SV2B: variants seen among roughly 807,000 people sequenced by gnomAD.
SV2B encodes synaptic vesicle glycoprotein 2B.
A neutral mutation model predicts 73.9 loss-of-function variants in SV2B; 41 were observed. The ratio of observed to expected loss-of-function variants is 0.56; its 90% CI spans 0.43 to 0.72. The LOEUF (loss-of-function observed/expected upper bound fraction) is 0.72. Among genes scored for constraint, SV2B ranks in the 30% least tolerant of loss-of-function variants. The probability of loss-of-function intolerance (pLI) is 0.00; values close to 1 mark genes in which losing one functional copy is unlikely to be tolerated. For missense variants in SV2B, 764 were observed against 857.8 expected (o/e 0.89, Z 1.37); for synonymous variants, 314 against 314.2 (o/e 1.00, Z 0.01).
intron 2 of SV2B, among the ~76,000 whole-genome samples, chr15:91,233,639 C>T (rs950463510): frequency 6.6e-6 from 1 of 152,308 alleles, no homozygotes; most frequent in Middle Eastern, 3.4e-3. Flanking sequence ...ATTGGGAACA[C>T]TGAGCCCCTA....
intron 1 of SV2B, among the ~76,000 whole-genome samples, chr15:91,194,944 C>T (rs768965664): frequency 2.6e-5 from 4 of 151,980 alleles, no homozygotes; most frequent in Admixed American, 1.3e-4. Flanking sequence ...CTCATTTCCT[C>T]GGCCATGATG....
At chr15:91,221,742 C>T (rs1441321000) in intron 1 of SV2B, among the ~76,000 whole-genome samples, 1 of 150,692 alleles carries the variant, frequency 6.6e-6, no homozygotes, top group Non-Finnish European at 1.5e-5. Context: ...TACATGAAAG[C>T]TTCTACCTGG....
intron 1 of SV2B, among the ~76,000 whole-genome samples, chr15:91,189,323 C>T (rs555369295): frequency 1.3e-5 from 2 of 152,166 alleles, no homozygotes; most frequent in African/African-American, 2.4e-5. Context: ...CATTCCAACA[C>T]GTTTAGTAAG....
Position 91,292,414 on chromosome 15 carries a change from C to T in SV2B, c.1914C>T (p.Ala638=). The T allele has an allele frequency of 6.2e-7, 1 of 1,614,170 alleles. No individual in the cohort carries two copies. Among genetic ancestry groups the T allele is most frequent in the Non-Finnish European group, 8.5e-7 (1 of 1,180,038 alleles). Residue 638 remains alanine, a synonymous_variant, in exon 13 of 13, where the codon GCC becomes GCT. Transcript: ENST00000394232. The part of the protein sequence containing the change: ...GILNGLCKFG[A]ILGNTIFASF... ...TCAATGGATTATGCAAATTTGGCGCCATCCTGGGAAACACCATCTTTGCTT... is the reference window on the plus strand; with the variant it reads ...TCAATGGATTATGCAAATTTGGCGCTATCCTGGGAAACACCATCTTTGCTT...
Position 91,290,312 on chromosome 15 carries a change from C to T in SV2B, c.1868+632C>T, listed in dbSNP as rs757514348. 3.9e-5 allele frequency among the ~76,000 whole-genome samples: 6 copies of T among 152,126 alleles called. No homozygotes were observed. Among genetic ancestry groups the T allele is most frequent in the Non-Finnish European group, 8.8e-5 (6 of 68,020 alleles). ...AGGAAGGTGGGTAAATGAAATTCTGCAAAAACCTTAATGATATTTCCAAAA... is the reference window on the plus strand; with the variant it reads ...AGGAAGGTGGGTAAATGAAATTCTGTAAAAACCTTAATGATATTTCCAAAA... On this transcript the variant is annotated intron_variant, in intron 12 of 12. Transcript: ENST00000394232. This position sits in a 1 kb window ranked among gnomAD's most constrained non-coding sequence, Gnocchi z 4.7.
chr15:91,115,961 A>AC lies in SV2B; in HGVS notation c.-392+15598_-392+15599insC, dbSNP rs2042166831. Among the ~76,000 whole-genome samples, 1 of 152,272 alleles carries AC rather than the reference A, an allele frequency of 6.6e-6. No homozygotes were observed. Among genetic ancestry groups the AC allele is most frequent in the East Asian group, 1.9e-4 (1 of 5,184 alleles). The stretch of plus-strand genomic sequence containing the variant: ...CTTTGTTTCACATACACCTTAACAG[A>AC]GTACATGCACACACATACACACACA... On this transcript the variant is annotated intron_variant, in intron 1 of 12. Transcript: ENST00000394232. This position sits in a 1 kb window ranked among gnomAD's most constrained non-coding sequence, Gnocchi z 4.3.
intron 1 of SV2B, among the ~76,000 whole-genome samples, chr15:91,216,475 TG>T (rs1408555943): frequency 1.2e-3 from 184 of 150,912 alleles, no homozygotes; most frequent in African/African-American, 4.4e-3. Context: ...CTTTTTTTTT[TG>T]TTTTTTTGTT....
In SV2B at chr15:91,132,980, C is replaced by T. The variant is rs1294614839; in HGVS notation, c.-392+32617C>T. 6.6e-6 allele frequency among the ~76,000 whole-genome samples: 1 copy of T among 152,190 alleles called. No individual in the cohort carries two copies. Among genetic ancestry groups the T allele is most frequent in the Non-Finnish European group, 1.5e-5 (1 of 68,036 alleles). On this transcript the variant is annotated intron_variant, in intron 1 of 12. Coordinates refer to ENST00000394232, the MANE Select transcript of SV2B (RefSeq NM_001323032.3). The surrounding 1 kb of genome is among the most constrained non-coding windows in gnomAD (Gnocchi z 4.6). ...ACTAAAGACTATTGGGCATCTGTTG[C>T]GTGCCAGGCCTTGAGAGAAGTATGT...
rs2046272121 is a variant in SV2B at position 91,223,190 on chromosome 15, A to T, written c.-391-2683A>T. ...TATTGGATTAGGAGCCATCCGAATGATCTCATCTTAACTTGATTACCTCTG... is the reference window on the plus strand; with the variant it reads ...TATTGGATTAGGAGCCATCCGAATGTTCTCATCTTAACTTGATTACCTCTG... On this transcript the variant is annotated intron_variant, in intron 1 of 12. Coordinates refer to ENST00000394232, the MANE Select transcript of SV2B (RefSeq NM_001323032.3). This position sits in a 1 kb window ranked among gnomAD's most constrained non-coding sequence, Gnocchi z 4.6. Among the ~76,000 whole-genome samples, 1 of 152,188 alleles carries T rather than the reference A, an allele frequency of 6.6e-6. No individual in the cohort carries two copies. Among genetic ancestry groups the T allele is most frequent in the South Asian group, 2.1e-4 (1 of 4,832 alleles).
At chr15:91,269,480 T>A (rs191131371) in intron 9 of SV2B, among the ~76,000 whole-genome samples, 5 of 152,324 alleles carry the variant, frequency 3.3e-5, no homozygotes, top group Admixed American at 2.6e-4. Flanking sequence ...GTCAGTCACA[T>A]TAACTGCCCC....
chr15:91,252,947 G>T lies in SV2B; in HGVS notation c.784+427G>T, dbSNP rs1359707399. 6.6e-6 allele frequency among the ~76,000 whole-genome samples: 1 copy of T among 152,186 alleles called. No individual in the cohort carries two copies. Among genetic ancestry groups the T allele is most frequent in the Non-Finnish European group, 1.5e-5 (1 of 68,038 alleles). The stretch of plus-strand genomic sequence containing the variant: ...GCTCAAGGCCATGTCCCTGGCATGT[G>T]GTGGAGTGGGGGCTGGAGTCCTGAT... On this transcript the variant is annotated intron_variant, in intron 4 of 12. Transcript: ENST00000394232. The surrounding 1 kb of genome is among the most constrained non-coding windows in gnomAD (Gnocchi z 4.6).
rs1300691696 is a variant in SV2B at position 91,232,756 on chromosome 15, A to C, written c.451+6042A>C. ...CTTCTATTTTAGATTCAGTGGGTAC[A>C]TGTGCAGGTTTGTTACATAGATATA... On this transcript the variant is annotated intron_variant, in intron 2 of 12. Coordinates refer to ENST00000394232, the MANE Select transcript of SV2B (RefSeq NM_001323032.3). The surrounding 1 kb of genome is among the most constrained non-coding windows in gnomAD (Gnocchi z 4.7). 1.3e-5 allele frequency among the ~76,000 whole-genome samples: 2 copies of C among 152,192 alleles called. No homozygotes were observed. The highest frequency in any genetic ancestry group is 2.9e-5 in the Non-Finnish European group (2 of 68,040).
chr15:91,209,818 A>C (rs2045789205), intron 1 of SV2B, among the ~76,000 whole-genome samples: 1 of 152,218 alleles, frequency 6.6e-6, no homozygotes, highest in Admixed American at 6.5e-5. Context: ...CTACAAGTTC[A>C]TTAAAGGTTT....
chr15:91,128,326 A>G lies in SV2B; in HGVS notation c.-392+27963A>G, dbSNP rs572970698. Among the ~76,000 whole-genome samples, 2 of 152,280 alleles carry G rather than the reference A, an allele frequency of 1.3e-5. No homozygotes were observed. Among genetic ancestry groups the G allele is most frequent in the East Asian group, 1.9e-4 (1 of 5,188 alleles). On this transcript the variant is annotated intron_variant, in intron 1 of 12. Coordinates refer to ENST00000394232, the MANE Select transcript of SV2B (RefSeq NM_001323032.3). This position sits in a 1 kb window ranked among gnomAD's most constrained non-coding sequence, Gnocchi z 4.2. ...AAGCTGTTCTGTTCTTTCCTTGACA[A>G]TTATCTTTGCAGCTTGTTAGTAAGA... is the stretch of plus-strand genomic sequence containing the variant.
intron 6 of SV2B, 137 bp downstream of exon 6, chr15:91,260,546 A>G (rs2047873198): frequency 1.7e-6 from 1 of 604,504 alleles, no homozygotes; most frequent in Non-Finnish European, 2.7e-6. Context: ...TTACTTTATA[A>G]TAATTATTCT....
At chr15:91,159,276 C>T (rs1019590660) in intron 1 of SV2B, among the ~76,000 whole-genome samples, 1 of 152,100 alleles carries the variant, frequency 6.6e-6, no homozygotes, top group Non-Finnish European at 1.5e-5. Flanking sequence ...ATATAATGTT[C>T]GGTCTTTTAC....
intron 2 of SV2B, among the ~76,000 whole-genome samples, chr15:91,238,041 A>G (rs377663691): frequency 1.3e-5 from 2 of 152,150 alleles, no homozygotes; most frequent in East Asian, 3.9e-4. Context: ...CTGTGTTGCC[A>G]CTCATTGTTA....
Position 91,129,857 on chromosome 15 carries a change from G to A in SV2B, c.-392+29494G>A, listed in dbSNP as rs1196085514. Among the ~76,000 whole-genome samples the A allele has an allele frequency of 1.3e-5, 2 of 152,198 alleles. No homozygotes were observed. Among genetic ancestry groups the A allele is most frequent in the African/African-American group, 4.8e-5 (2 of 41,450 alleles). On this transcript the variant is annotated intron_variant, in intron 1 of 12. Coordinates refer to ENST00000394232, the MANE Select transcript of SV2B (RefSeq NM_001323032.3). This position sits in a 1 kb window ranked among gnomAD's most constrained non-coding sequence, Gnocchi z 5.1. ...CCTGTGTTTCCTCATCTGTAAAAGA[G>A]AGACAAGAAGAGTACTCATGCGGGG...
intron 1 of SV2B, among the ~76,000 whole-genome samples, chr15:91,221,018 C>T (rs986918380): frequency 2.6e-5 from 4 of 152,030 alleles, no homozygotes; most frequent in African/African-American, 9.7e-5. Flanking sequence ...TGTGTGCAAC[C>T]ATGCCTGGCT....
Sources: allele counts gnomAD v4.1 joint callset (sites outside exome capture counted in the v4.1 genomes callset), GRCh38; gene constraint gnomAD v4.1.1; non-coding constraint Gnocchi (gnomAD v3.1); transcripts MANE v1.5; gene names NCBI Gene and HGNC (gene_info 2026-07-23, HGNC 2026-07-21).